The following FMN2 variants were observed in gnomAD, a reference collection of about 807,000 sequenced individuals.
FMN2 encodes formin-2.
FMN2 carries 51 observed loss-of-function variants against 142.3 expected under a neutral mutation model. The observed-to-expected ratio is 0.36, with a 90% CI of 0.29 to 0.45. FMN2 has a LOEUF of 0.45. Ranked by LOEUF, FMN2 falls within the 20% of genes least tolerant of loss-of-function variation. The probability of loss-of-function intolerance (pLI) is 1.00; values close to 1 mark genes in which losing one functional copy is unlikely to be tolerated. For missense variants in FMN2, 1,936 were observed against 2,122.8 expected (o/e 0.91, Z 1.73); for synonymous variants, 882 against 869.8 (o/e 1.01, Z -0.25).
rs1665560851 is a variant in FMN2 at position 240,188,196 on chromosome 1, T to C, written c.1931-11T>C. On this transcript the variant is annotated splice_polypyrimidine_tract_variant and intron_variant, in intron 3 of 17. Transcript: ENST00000319653. ...TTAAGATACTGACTGTCTGCTTCCT[T>C]TCCAATCTAGAATCTCAATCTGCTG... 1 of 1,613,698 alleles carries C rather than the reference T, an allele frequency of 6.2e-7. No individual in the cohort carries two copies. The highest frequency in any genetic ancestry group is 8.5e-7 in the Non-Finnish European group (1 of 1,179,768).
intron 4 of FMN2, among the ~76,000 whole-genome samples, chr1:240,198,781 T>C (rs1666018795): frequency 6.6e-6 from 1 of 152,158 alleles, no homozygotes; most frequent in Non-Finnish European, 1.5e-5. Flanking sequence ...TGGAATGCCA[T>C]TGGTTGTTCC....
At chr1:240,162,257 AG>A (rs1664310959) in intron 2 of FMN2, among the ~76,000 whole-genome samples, 1 of 152,122 alleles carries the variant, frequency 6.6e-6, no homozygotes, top group Non-Finnish European at 1.5e-5. Flanking sequence ...CAGGGTCAGG[AG>A]TTCGAGACCA....
At chr1:240,144,859 C>G (rs1663370770) in intron 2 of FMN2, 1 of 1,428,560 alleles carries the variant, frequency 7.0e-7, no homozygotes, top group Admixed American at 1.7e-5. Context: ...CATCATCCAG[C>G]TCCTGCCACT....
intron 5 of FMN2, 115 bp downstream of exon 5, chr1:240,208,847 C>T (rs1666563156): frequency 3.7e-6 from 5 of 1,354,662 alleles, no homozygotes; most frequent in East Asian, 2.3e-5. Flanking sequence ...CTCTAAAACT[C>T]GTCTAGATTT....
At chr1:240,152,911 C>T (rs1004357475) in intron 2 of FMN2, among the ~76,000 whole-genome samples, 4 of 152,194 alleles carry the variant, frequency 2.6e-5, no homozygotes, top group South Asian at 4.1e-4. Flanking sequence ...TTTCCAGAGG[C>T]CCAGTCTGAG....
chr1:240,292,719 A>G (rs1479847862), intron 7 of FMN2, among the ~76,000 whole-genome samples: 4 of 152,188 alleles, frequency 2.6e-5, no homozygotes, highest in African/African-American at 4.8e-5. Flanking sequence ...AAATGTTAGC[A>G]TATGCTTTTT....
intron 2 of FMN2, among the ~76,000 whole-genome samples, chr1:240,135,782 C>T (rs749223507): frequency 1.2e-4 from 18 of 150,852 alleles, no homozygotes; most frequent in Non-Finnish European, 2.7e-4. Context: ...TGGGTTCAAG[C>T]GATTCTCGTG....
intron 7 of FMN2, among the ~76,000 whole-genome samples, chr1:240,261,681 C>T (rs1336987120): frequency 6.6e-6 from 1 of 152,138 alleles, no homozygotes; most frequent in African/African-American, 2.4e-5. Context: ...TTCTCAGCAA[C>T]ACATACATTC....
At chr1:240,095,491 A>G (rs1170942102) in intron 1 of FMN2, among the ~76,000 whole-genome samples, 2 of 152,142 alleles carry the variant, frequency 1.3e-5, no homozygotes, top group Admixed American at 1.3e-4. Context: ...TAGGTGATAC[A>G]TAGACCATTA....
intron 7 of FMN2, among the ~76,000 whole-genome samples, chr1:240,289,227 G>A (rs1236378420): frequency 6.6e-6 from 1 of 152,096 alleles, no homozygotes; most frequent in Non-Finnish European, 1.5e-5. Context: ...AAAGGAAGGG[G>A]CCATCAAGCA....
chr1:240,283,562 C>A (rs997566984), intron 7 of FMN2, among the ~76,000 whole-genome samples: 1 of 152,296 alleles, frequency 6.6e-6, no homozygotes, highest in Non-Finnish European at 1.5e-5. Context: ...TTACACACTT[C>A]TTCAGTTGTC....
chr1:240,237,951 C>T (rs1257946055), intron 6 of FMN2, among the ~76,000 whole-genome samples: 1 of 152,198 alleles, frequency 6.6e-6, no homozygotes, highest in Non-Finnish European at 1.5e-5. Context: ...TATTTGACTT[C>T]TCAATGAGTC....
Position 240,355,926 on chromosome 1 carries a change from G to A in FMN2, c.4858+18G>A, listed in dbSNP as rs1180233466. 2 of 590,362 alleles carry A rather than the reference G, an allele frequency of 3.4e-6. No individual in the cohort carries two copies. The highest frequency in any genetic ancestry group is 5.0e-5 in the East Asian group (1 of 19,976). 36.6% of individuals were successfully genotyped at this position (590,362 alleles called of 1,614,324 possible). On this transcript the variant is annotated intron_variant, in intron 14 of 17. Transcript: ENST00000319653. ...TATTCAAGGTAAATTCCAAAGAGAT[G>A]TGTTATGTTTTTCTCCCCTTTCAGC...
intron 14 of FMN2, among the ~76,000 whole-genome samples, chr1:240,377,607 A>G (rs982272371): frequency 6.6e-6 from 1 of 151,960 alleles, no homozygotes; most frequent in Non-Finnish European, 1.5e-5. Context: ...GCTTCTAGCT[A>G]TCTTCCAAGC....
intron 6 of FMN2, among the ~76,000 whole-genome samples, chr1:240,228,810 TA>T (rs1667438193): frequency 6.6e-6 from 1 of 151,946 alleles, no homozygotes. Context: ...TCCCTAAAAA[TA>T]AATGGTCAAA....
intron 7 of FMN2, among the ~76,000 whole-genome samples, chr1:240,275,552 A>G (rs1669175958): frequency 6.6e-6 from 1 of 151,996 alleles, no homozygotes; most frequent in Admixed American, 6.6e-5. Context: ...CAATAAACAT[A>G]CCTGTGCATG....
In FMN2 at chr1:240,474,273, A is replaced by C; in HGVS notation, c.*119A>C. The C allele has an allele frequency of 1.1e-6, 1 of 922,854 alleles. No homozygotes were observed. Among genetic ancestry groups the C allele is most frequent in the South Asian group, 2.0e-5 (1 of 49,352 alleles). The allele number at this position is 922,854 out of a possible 1,614,324, so 57.2% of individuals were successfully genotyped here. On this transcript the variant is annotated 3_prime_UTR_variant, in exon 18 of 18. Transcript: ENST00000319653. ...CATGTTTCTTCTTGACCTCTTGCAT[A>C]ATCTTTTTGTTTTCTAGACAGTTCA...
chr1:240,168,408 A>G (rs10926156), intron 2 of FMN2, among the ~76,000 whole-genome samples: 40,117 of 151,900 alleles, frequency 0.26, 5,372 homozygotes, highest in South Asian at 0.34. Context: ...GCAACATAGC[A>G]AGACTCCATC....
chr1:240,138,990 C>G (rs992147643), intron 2 of FMN2, among the ~76,000 whole-genome samples: 2 of 152,162 alleles, frequency 1.3e-5, no homozygotes, highest in Non-Finnish European at 2.9e-5. Context: ...CAGAATCCCC[C>G]GAAGGGCTTG....
Sources: gnomAD v4.1 joint callset for allele counts (sites outside exome capture counted in the v4.1 genomes callset) on GRCh38, gnomAD v4.1.1 for gene constraint, MANE v1.5 for transcripts, NCBI Gene and HGNC (gene_info 2026-07-23, HGNC 2026-07-21) for gene names.